LGSN: variants seen among roughly 807,000 people sequenced by gnomAD.
LGSN encodes lengsin, lens protein with glutamine synthetase domain.
LGSN carries 21 observed loss-of-function variants against 19.5 expected under a neutral mutation model. The ratio of observed to expected loss-of-function variants is 1.07; its 90% CI spans 0.76 to 1.55. The LOEUF is 1.55. LGSN is among the 40% of genes most tolerant of loss of function. The pLI is 0.00. For missense variants in LGSN, 673 were observed against 608.5 expected, an observed-to-expected ratio of 1.11 and a Z score of -1.12; for synonymous variants, 257 against 215.6, an observed-to-expected ratio of 1.19 and a Z score of -1.68.
chr6:63,335,359 C>G, the LGSN span, among the ~76,000 whole-genome samples: 1 of 151,956 alleles, frequency 6.6e-6, no homozygotes, highest in Non-Finnish European at 1.5e-5. Context: ...AGACATTGGT[C>G]TATGCAAAGA....
the LGSN span, among the ~76,000 whole-genome samples, chr6:63,494,130 A>G: frequency 6.6e-6 from 1 of 151,912 alleles, no homozygotes; most frequent in Non-Finnish European, 1.5e-5. Flanking sequence ...TTGTATTTTT[A>G]GTAGAGATGA....
At chr6:63,497,169 G>A in the LGSN span, among the ~76,000 whole-genome samples, 1 of 151,850 alleles carries the variant, frequency 6.6e-6, no homozygotes, top group Non-Finnish European at 1.5e-5. Context: ...TCGAGATGGG[G>A]TATTGTTATG....
the LGSN span, among the ~76,000 whole-genome samples, chr6:63,508,963 AGT>A: frequency 6.6e-6 from 1 of 151,042 alleles, no homozygotes; most frequent in African/African-American, 2.4e-5. Context: ...GGGGTGACTG[AGT>A]GAGGTGATAG....
intron 3 of LGSN, among the ~76,000 whole-genome samples, chr6:63,283,803 C>A (rs958078532): frequency 2.2e-4 from 34 of 152,116 alleles, no homozygotes; most frequent in African/African-American, 7.0e-4. Context: ...CGGGTTCAAG[C>A]GATTCTCCTG....
the LGSN span, among the ~76,000 whole-genome samples, chr6:63,336,637 T>A: frequency 6.6e-6 from 1 of 151,562 alleles, no homozygotes; most frequent in African/African-American, 2.4e-5. Flanking sequence ...TAATGATTTT[T>A]TTTTTTGAAA....
the LGSN span, among the ~76,000 whole-genome samples, chr6:63,538,144 C>A: frequency 3.9e-5 from 6 of 152,180 alleles, no homozygotes; most frequent in Non-Finnish European, 8.8e-5. Flanking sequence ...TGCCTAATCA[C>A]CACCATGAAA....
chr6:63,368,980 A>G, the LGSN span, among the ~76,000 whole-genome samples: 3 of 152,252 alleles, frequency 2.0e-5, no homozygotes, highest in Non-Finnish European at 4.4e-5. Flanking sequence ...CAGTTGCGGG[A>G]AATCCAGAGA....
intron 2 of LGSN, among the ~76,000 whole-genome samples, chr6:63,289,958 G>A (rs797017733): frequency 4.6e-5 from 7 of 151,884 alleles, no homozygotes; most frequent in African/African-American, 1.4e-4. Flanking sequence ...TCATATTAGC[G>A]CAGACATTGT....
chr6:63,404,082 A>T, the LGSN span, among the ~76,000 whole-genome samples: 35 of 152,254 alleles, frequency 2.3e-4, no homozygotes, highest in South Asian at 7.0e-3. Context: ...TATTTCCCTG[A>T]TGAGAATCCA....
At chr6:63,281,254 T>C in intron 3 of LGSN, 34 bp from the exon 4 acceptor site, 2 of 1,405,664 alleles carry the variant, frequency 1.4e-6, no homozygotes, top group South Asian at 1.9e-5. Flanking sequence ...AATTAGGTTT[T>C]GAAAACAAAC....
the LGSN span, among the ~76,000 whole-genome samples, chr6:63,504,276 C>G: frequency 1.3e-5 from 2 of 149,058 alleles, no homozygotes; most frequent in Non-Finnish European, 3.0e-5. Context: ...GAGTCTCGCT[C>G]TGTTGCCCAG....
At chr6:63,555,336 T>C in the LGSN span, among the ~76,000 whole-genome samples, 1 of 152,210 alleles carries the variant, frequency 6.6e-6, no homozygotes, top group Non-Finnish European at 1.5e-5. Flanking sequence ...AATTAGAATA[T>C]TTAATAATTC....
the LGSN span, among the ~76,000 whole-genome samples, chr6:63,559,008 C>T: frequency 6.6e-6 from 1 of 152,138 alleles, no homozygotes. Flanking sequence ...ATATCAAAGG[C>T]CATAAGGATG....
chr6:63,404,371 A>T, the LGSN span, among the ~76,000 whole-genome samples: 1 of 152,206 alleles, frequency 6.6e-6, no homozygotes, highest in East Asian at 1.9e-4. Context: ...AATAGATGGA[A>T]TCTACCAAAA....
the LGSN span, among the ~76,000 whole-genome samples, chr6:63,359,000 A>C: frequency 1.3e-5 from 2 of 152,168 alleles, no homozygotes; most frequent in Non-Finnish European, 2.9e-5. Context: ...ATTTTGAGAT[A>C]TGTCCCATCA....
At chr6:63,334,498 A>G in the LGSN span, among the ~76,000 whole-genome samples, 1 of 152,250 alleles carries the variant, frequency 6.6e-6, no homozygotes, top group Non-Finnish European at 1.5e-5. Flanking sequence ...ATGCTCAAGA[A>G]TTGGAAAAAT....
At chr6:63,328,845 GCCT>G in the LGSN span, among the ~76,000 whole-genome samples, 1 of 152,166 alleles carries the variant, frequency 6.6e-6, no homozygotes, top group East Asian at 1.9e-4. Context: ...GTATAGAGGA[GCCT>G]GGCTATCTCG....
chr6:63,451,932 T>TA, the LGSN span, among the ~76,000 whole-genome samples: 5 of 152,236 alleles, frequency 3.3e-5, no homozygotes, highest in Middle Eastern at 6.8e-3. Flanking sequence ...CTATTACTTT[T>TA]TATATATCAC....
At chr6:63,529,263 G>T in the LGSN span, among the ~76,000 whole-genome samples, 2 of 150,754 alleles carry the variant, frequency 1.3e-5, no homozygotes, top group Non-Finnish European at 2.9e-5. Context: ...AGGTGTCTAG[G>T]TTCTCTGGAG....
Sources: gnomAD v4.1 joint callset for allele counts (sites outside exome capture counted in the v4.1 genomes callset) on GRCh38, gnomAD v4.1.1 for gene constraint, MANE v1.5 for transcripts, NCBI Gene and HGNC (gene_info 2026-07-23, HGNC 2026-07-21) for gene names.